The following NPAS2 variants were observed in gnomAD, a reference collection of about 807,000 sequenced individuals.
NPAS2 encodes neuronal PAS domain protein 2.
In NPAS2, 23 loss-of-function variants were observed where a neutral mutation model predicts 107.5. The ratio of observed to expected loss-of-function variants is 0.21; its 90% CI spans 0.15 to 0.30. The LOEUF is 0.30. NPAS2 is among the 10% of genes least tolerant of loss of function. NPAS2 has a pLI of 1.00. For synonymous variants in NPAS2, 403 were observed against 417.5 expected (o/e 0.97, Z 0.42); for missense variants, 756 against 1,043.3 (o/e 0.72, Z 3.79).
At position 100,968,338 on chromosome 2, in the gene NPAS2, A is replaced by C; in HGVS notation, c.965A>C (p.Gln322Pro). ...CCYRFLTKGQQWIWLQTHYYI... is the reference protein window; with the variant it reads ...CCYRFLTKGQPWIWLQTHYYI... Reference sequence around the variant, plus strand: ...TACCGGTTTCTGACCAAAGGTCAGCAGTGGATCTGGCTGCAGACTCACTAC... The same window carrying C: ...TACCGGTTTCTGACCAAAGGTCAGCCGTGGATCTGGCTGCAGACTCACTAC... The change falls in exon 11 of 21, where the codon CAG (glutamine) becomes CCG (proline). Residue 322 changes from glutamine to proline, a missense_variant. Physicochemically the swap from Gln to Pro is moderately conservative, Grantham distance 76. Transcript: ENST00000335681. This position sits in a 1 kb window ranked among gnomAD's most constrained non-coding sequence, Gnocchi z 5.3. 1 of 1,614,192 alleles carries C rather than the reference A, an allele frequency of 6.2e-7. No individual in the cohort carries two copies. The highest frequency in any genetic ancestry group is 8.5e-7 in the Non-Finnish European group (1 of 1,180,042).
At chr2:100,956,208 C>A (rs1675557901) in intron 7 of NPAS2, among the ~76,000 whole-genome samples, 1 of 152,142 alleles carries the variant, frequency 6.6e-6, no homozygotes, top group Admixed American at 6.5e-5. Flanking sequence ...CCCGGCTTAA[C>A]TTTTATTTCA....
chr2:100,883,014 T>C (rs1034324369), intron 1 of NPAS2, among the ~76,000 whole-genome samples: 2 of 152,166 alleles, frequency 1.3e-5, no homozygotes, highest in Non-Finnish European at 2.9e-5. Flanking sequence ...GAAACTGACC[T>C]AACCAGCAGG....
chr2:100,949,958 A>G (rs1020635197), intron 7 of NPAS2, among the ~76,000 whole-genome samples: 1 of 152,218 alleles, frequency 6.6e-6, no homozygotes, highest in Non-Finnish European at 1.5e-5. Context: ...TTTTACAATG[A>G]GCCAGGAATC....
intron 2 of NPAS2, among the ~76,000 whole-genome samples, chr2:100,922,212 G>T (rs1683268830): frequency 6.6e-6 from 1 of 152,086 alleles, no homozygotes; most frequent in South Asian, 2.1e-4. Context: ...GATTTTGGTG[G>T]TAGTTACCCA....
At chr2:100,878,235 C>CA (rs1444132799) in intron 1 of NPAS2, 9 of 985,014 alleles carry the variant, frequency 9.1e-6, no homozygotes, top group Admixed American at 1.2e-4. Context: ...GGGCAGAAGG[C>CA]AAAAAAATAT....
rs530866426 is a variant in NPAS2, at chr2:100,862,357, G to GT, written c.-23+41951dup. 1.1e-4 allele frequency among the ~76,000 whole-genome samples: 16 copies of GT among 151,838 alleles called. No individual in the cohort carries two copies. In the South Asian group the frequency reaches 1.3e-3, roughly 12 times the overall value. ...AATGTTTACTTGAGGGTTGGTTGGG[G>GT]TTTTTTTTGCCTCTAAATCAGAAAC... is the stretch of plus-strand genomic sequence containing the variant. On this transcript the variant is annotated intron_variant, in intron 1 of 20. Transcript: ENST00000335681.
chr2:100,917,674 G>T (rs930566658), intron 2 of NPAS2, among the ~76,000 whole-genome samples: 1 of 152,122 alleles, frequency 6.6e-6, no homozygotes, highest in African/African-American at 2.4e-5. Context: ...GAAATACTAT[G>T]AACAATTAGA....
At chr2:100,963,663 G>A (rs1372600447) in intron 7 of NPAS2, among the ~76,000 whole-genome samples, 2 of 152,126 alleles carry the variant, frequency 1.3e-5, no homozygotes, top group African/African-American at 2.4e-5. Context: ...TGATCTTCCC[G>A]CCTCAGCCTC....
intron 1 of NPAS2, among the ~76,000 whole-genome samples, chr2:100,865,592 G>A (rs1679201638): frequency 6.6e-6 from 1 of 152,070 alleles, no homozygotes; most frequent in African/African-American, 2.4e-5. Flanking sequence ...AAAATAAGAA[G>A]GTAAGCTCTT....
intron 15 of NPAS2, among the ~76,000 whole-genome samples, chr2:100,978,293 A>G (rs1677162834): frequency 6.6e-6 from 1 of 152,172 alleles, no homozygotes; most frequent in South Asian, 2.1e-4. Context: ...ATTTAGAATA[A>G]TGACCTCCAG....
intron 14 of NPAS2, among the ~76,000 whole-genome samples, chr2:100,977,489 G>C (rs553050621): frequency 3.3e-5 from 5 of 152,316 alleles, no homozygotes; most frequent in African/African-American, 1.2e-4. Context: ...AGCACACTGT[G>C]GTGGGGTGGA....
chr2:100,957,926 T>C (rs111609342), intron 7 of NPAS2, among the ~76,000 whole-genome samples: 1 of 151,266 alleles, frequency 6.6e-6, no homozygotes. Context: ...AAACTCAGTC[T>C]CAAAAAAAAA....
At chr2:100,963,785 T>A (rs181638258) in intron 7 of NPAS2, among the ~76,000 whole-genome samples, 66 of 152,372 alleles carry the variant, frequency 4.3e-4, no homozygotes, top group Admixed American at 4.2e-3. Context: ...TGAGAGGCAG[T>A]GCTGAATGCT....
chr2:100,925,075 G>C lies in NPAS2; in HGVS notation c.33-71G>C. On this transcript the variant is annotated intron_variant, in intron 2 of 20. Transcript: ENST00000335681. ...ACAATAGAATGTGCTCTAATAGAAA[G>C]TGCTTTTGTTTCATCACAAAGCCTT... is the stretch of plus-strand genomic sequence containing the variant. 5 of 1,490,178 alleles carry C rather than the reference G, an allele frequency of 3.4e-6. No individual in the cohort carries two copies. In the South Asian group the frequency reaches 6.5e-5, roughly 19 times the overall value. The allele number at this position is 1,490,178 out of a possible 1,614,324, so 92.3% of individuals were successfully genotyped here. A position where few individuals can be genotyped will look rare whatever the true frequency, so the allele number is the denominator to read the frequency against.
At chr2:100,927,688 T>C (rs139475150) in intron 3 of NPAS2, among the ~76,000 whole-genome samples, 3 of 152,364 alleles carry the variant, frequency 2.0e-5, no homozygotes, top group Non-Finnish European at 4.4e-5. Flanking sequence ...TAGTGTATAG[T>C]ATTCCATCAC....
intron 1 of NPAS2, among the ~76,000 whole-genome samples, chr2:100,878,872 A>G (rs1680150063): frequency 6.6e-6 from 1 of 152,144 alleles, no homozygotes; most frequent in Non-Finnish European, 1.5e-5. Flanking sequence ...TAATCCCAGC[A>G]CTTTGGGAGG....
intron 7 of NPAS2, among the ~76,000 whole-genome samples, chr2:100,959,833 T>C (rs1057443068): frequency 1.3e-5 from 2 of 152,242 alleles, no homozygotes; most frequent in African/African-American, 4.8e-5. Flanking sequence ...AGGTCGTCTC[T>C]GATGAGAATA....
intron 12 of NPAS2, among the ~76,000 whole-genome samples, chr2:100,973,091 A>T (rs1350973372): frequency 2.6e-5 from 4 of 152,084 alleles, no homozygotes; most frequent in Non-Finnish European, 1.5e-5. Flanking sequence ...AGGCAGGAGA[A>T]TCGCTTCAAC....
Position 100,995,634 on chromosome 2 carries a change from G to T in NPAS2, c.*52G>T. 1 of 1,574,100 alleles carries T rather than the reference G, an allele frequency of 6.4e-7. No homozygotes were observed. Among genetic ancestry groups the T allele is most frequent in the Non-Finnish European group, 8.6e-7 (1 of 1,159,942 alleles). On this transcript the variant is annotated 3_prime_UTR_variant, in exon 21 of 21. Coordinates refer to ENST00000335681, the MANE Select transcript of NPAS2 (RefSeq NM_002518.4). ...ATCAGCTTTAACCAATGGATGAGGG[G>T]GGTGGCCACAGGAGATGGGGAGAGG...
Sources: gnomAD v4.1 joint callset for allele counts (sites outside exome capture counted in the v4.1 genomes callset) on GRCh38, gnomAD v4.1.1 for gene constraint, Gnocchi (gnomAD v3.1) non-coding constraint, MANE v1.5 for transcripts, NCBI Gene and HGNC (gene_info 2026-07-23, HGNC 2026-07-21) for gene names.